The following ADGRL3 variants were observed in gnomAD, a reference collection of about 807,000 sequenced individuals.
The protein encoded by ADGRL3 is calcium-independent alpha-latrotoxin receptor 3.
In ADGRL3, 62 loss-of-function variants were observed where a neutral mutation model predicts 153.5. The observed-to-expected ratio is 0.40, with a 90% CI of 0.33 to 0.50. ADGRL3 has a LOEUF of 0.50. Among genes scored for constraint, ADGRL3 ranks in the 20% least tolerant of loss-of-function variants. The pLI, the probability that ADGRL3 is intolerant of heterozygous loss-of-function variation, is 0.47. For synonymous variants in ADGRL3, 710 were observed against 672.5 expected (o/e 1.06, Z -0.86); for missense variants, 1,641 against 1,859.4 (o/e 0.88, Z 2.16).
intron 8 of ADGRL3, among the ~76,000 whole-genome samples, chr4:61,782,785 G>A (rs1316917810): frequency 6.6e-6 from 1 of 152,104 alleles, no homozygotes; most frequent in African/African-American, 2.4e-5. Context: ...CAGTCAGACA[G>A]CTTACAAAGG....
intron 5 of ADGRL3, among the ~76,000 whole-genome samples, chr4:61,611,125 G>T (rs1355084325): frequency 6.6e-6 from 1 of 152,108 alleles, no homozygotes; most frequent in East Asian, 1.9e-4. Context: ...TTTCAGAGTT[G>T]ATGCTTAACA....
intron 1 of ADGRL3, among the ~76,000 whole-genome samples, chr4:61,312,563 C>CAATTTAAA (rs1360990678): frequency 6.6e-6 from 1 of 152,006 alleles, no homozygotes; most frequent in Admixed American, 6.6e-5. Flanking sequence ...GAAAACAATC[C>CAATTTAAA]AATTTAAAAA....
At chr4:61,215,479 T>G (rs1156930899) in intron 1 of ADGRL3, among the ~76,000 whole-genome samples, 1 of 151,894 alleles carries the variant, frequency 6.6e-6, no homozygotes, top group Non-Finnish European at 1.5e-5. Flanking sequence ...TTGTCAAGAG[T>G]TGAAGTAACT....
intron 9 of ADGRL3, among the ~76,000 whole-genome samples, chr4:61,844,799 C>A (rs2098094312): frequency 6.6e-6 from 1 of 151,696 alleles, no homozygotes; most frequent in South Asian, 2.1e-4. Flanking sequence ...GCTACTTTCA[C>A]TGCTTTTGGA....
At chr4:61,718,364 G>A (rs1480141503) in intron 6 of ADGRL3, among the ~76,000 whole-genome samples, 3 of 152,110 alleles carry the variant, frequency 2.0e-5, no homozygotes, top group Non-Finnish European at 4.4e-5. Flanking sequence ...TACTTATTGA[G>A]TGGCTTGCTT....
intron 2 of ADGRL3, among the ~76,000 whole-genome samples, chr4:61,383,987 TTTC>T (rs1486941728): frequency 3.3e-5 from 5 of 151,864 alleles, no homozygotes; most frequent in Admixed American, 2.0e-4. Flanking sequence ...AAATATCAAC[TTTC>T]TTATTGGTCT....
At chr4:61,229,377 G>A (rs547990902) in intron 1 of ADGRL3, among the ~76,000 whole-genome samples, 2 of 152,212 alleles carry the variant, frequency 1.3e-5, no homozygotes, top group Non-Finnish European at 2.9e-5. Flanking sequence ...GTCAATGAAA[G>A]TAATTACCTT....
At chr4:61,651,594 GTTTTGTTTTTGT>G in intron 5 of ADGRL3, among the ~76,000 whole-genome samples, 1 of 151,556 alleles carries the variant, frequency 6.6e-6, no homozygotes, top group East Asian at 1.9e-4. Context: ...TTGTGTGTTT[GTTTTGTTTTTGT>G]TTTTGTTTCT....
At chr4:61,614,353 C>A (rs2091751772) in intron 5 of ADGRL3, among the ~76,000 whole-genome samples, 2 of 152,134 alleles carry the variant, frequency 1.3e-5, no homozygotes, top group South Asian at 4.1e-4. Flanking sequence ...AGTGATTGAT[C>A]TTCTTAAGCA....
At chr4:61,324,686 A>C (rs2095430387) in intron 1 of ADGRL3, among the ~76,000 whole-genome samples, 1 of 152,170 alleles carries the variant, frequency 6.6e-6, no homozygotes, top group Non-Finnish European at 1.5e-5. Flanking sequence ...AATAGGAAGC[A>C]ACAAAATGTT....
At chr4:61,634,739 G>T (rs1310136521) in intron 5 of ADGRL3, among the ~76,000 whole-genome samples, 1 of 152,120 alleles carries the variant, frequency 6.6e-6, no homozygotes. Context: ...CCAGCTTAAT[G>T]ATAAAAGTAA....
rs2098984225 is a variant in ADGRL3 at position 61,960,655 on chromosome 4, AT to A, written c.2805+12380del. On this transcript the variant is annotated intron_variant, in intron 17 of 26. Coordinates refer to ENST00000683033, the MANE Select transcript of ADGRL3 (RefSeq NM_001387552.1). The stretch of plus-strand genomic sequence containing the variant: ...AGCCATGCCCATGTGCAGATCCTAA[AT>A]GATGTAATGATGTACATACTTCCTA... Among the ~76,000 whole-genome samples, 6 of 152,302 alleles carry A rather than the reference AT, an allele frequency of 3.9e-5. No individual in the cohort carries two copies. The South Asian group carries it at 1.2e-3, about 32-fold the overall frequency.
Position 62,076,607 on chromosome 4 carries a change from A to C in ADGRL3, c.*5699A>C, listed in dbSNP as rs767888055. 6.6e-6 allele frequency: 1 copy of C among 152,082 alleles called. No homozygotes were observed. The highest frequency in any genetic ancestry group is 1.5e-5 in the Non-Finnish European group (1 of 67,936). 9.4% of individuals were successfully genotyped at this position (152,082 alleles called of 1,614,324 possible). On this transcript the variant is annotated 3_prime_UTR_variant, in exon 27 of 27. Transcript: ENST00000683033. ...ACACTACACCAAATGTTACAGATGT[A>C]TTCCGAAAAGTAAAATGGGAGTTTC...
At chr4:61,547,556 C>T (rs540113259) in intron 4 of ADGRL3, among the ~76,000 whole-genome samples, 2 of 151,682 alleles carry the variant, frequency 1.3e-5, no homozygotes, top group Non-Finnish European at 2.9e-5. Context: ...ATAATGTCCT[C>T]AAGCTCCATC....
At chr4:61,890,635 G>A (rs897403989) in intron 9 of ADGRL3, among the ~76,000 whole-genome samples, 3 of 152,138 alleles carry the variant, frequency 2.0e-5, no homozygotes, top group Admixed American at 6.5e-5. Flanking sequence ...ATCCATTCAC[G>A]AGGGCAGAGC....
chr4:61,789,736 T>G (rs1273907077), intron 8 of ADGRL3, among the ~76,000 whole-genome samples: 1 of 152,190 alleles, frequency 6.6e-6, no homozygotes, highest in Non-Finnish European at 1.5e-5. Context: ...GTAATTAATG[T>G]TTAATCAGTA....
intron 1 of ADGRL3, among the ~76,000 whole-genome samples, chr4:61,207,093 C>G (rs1737631336): frequency 6.6e-6 from 1 of 151,844 alleles, no homozygotes; most frequent in South Asian, 2.1e-4. Context: ...AATACATGTG[C>G]AGATGTGCAG....
intron 5 of ADGRL3, among the ~76,000 whole-genome samples, chr4:61,660,699 AG>A (rs2094569330): frequency 6.6e-6 from 1 of 152,148 alleles, no homozygotes; most frequent in African/African-American, 2.4e-5. Context: ...TAATCTTAGT[AG>A]ATGGTGAGCC....
intron 4 of ADGRL3, among the ~76,000 whole-genome samples, chr4:61,522,344 C>T (rs1478277300): frequency 2.0e-5 from 3 of 152,030 alleles, no homozygotes. Context: ...AATCTCTTGC[C>T]TAATTATAAC....
Sources: gnomAD v4.1 joint callset for allele counts (sites outside exome capture counted in the v4.1 genomes callset) on GRCh38, gnomAD v4.1.1 for gene constraint, MANE v1.5 for transcripts, NCBI Gene and HGNC (gene_info 2026-07-23, HGNC 2026-07-21) for gene names.